LRRC18: variants seen among roughly 807,000 people sequenced by gnomAD.
LRRC18 encodes leucine rich repeat containing 18.
LRRC18 carries 12 observed loss-of-function variants against 11.2 expected under a neutral mutation model. The ratio of observed to expected loss-of-function variants is 1.07; its 90% confidence interval spans 0.69 to 1.74. The LOEUF (loss-of-function observed/expected upper bound fraction) is 1.74, where lower values mean the gene tolerates loss of function less well. LRRC18 is among the 40% of genes most tolerant of loss of function. LRRC18 has a pLI of 0.00. For missense variants in LRRC18, 374 were observed against 330.5 expected, an observed-to-expected ratio of 1.13 and a Z score of -1.02; for synonymous variants, 155 against 130.6, an observed-to-expected ratio of 1.19 and a Z score of -1.27.
exon 1 of LRRC18, chr10:48,914,077 C>A: frequency 6.2e-7 from 1 of 1,614,202 alleles, no homozygotes; most frequent in Non-Finnish European, 8.5e-7. Context: ...TTTTTCCCAT[C>A]AAAAGTGATT....
chr10:48,939,352 C>T, the LRRC18 span, among the ~76,000 whole-genome samples: 26 of 152,358 alleles, frequency 1.7e-4, no homozygotes, highest in South Asian at 5.4e-3. Flanking sequence ...GGCTCTCCCA[C>T]ACCCCTGTGT....
At chr10:48,936,949 C>T in the LRRC18 span, among the ~76,000 whole-genome samples, 8 of 151,220 alleles carry the variant, frequency 5.3e-5, no homozygotes, top group African/African-American at 1.7e-4. Context: ...GACATAGTCT[C>T]ACTCTTGTCA....
At chr10:48,923,506 A>ATATATATATATATGTATGTATGTATG in the LRRC18 span, among the ~76,000 whole-genome samples, 1 of 115,108 alleles carries the variant, frequency 8.7e-6, no homozygotes, top group Admixed American at 1.0e-4. Flanking sequence ...GTATATATAT[A>ATATATATATATATGTATGTATGTATG]TATATATGTC....
chr10:48,930,106 A>G, the LRRC18 span, among the ~76,000 whole-genome samples: 82 of 152,110 alleles, frequency 5.4e-4, no homozygotes, highest in African/African-American at 1.9e-3. Context: ...CCCTTGGTCA[A>G]TACTAGTTTA....
chr10:48,922,511 CAGTA>C, the LRRC18 span, among the ~76,000 whole-genome samples: 3 of 152,198 alleles, frequency 2.0e-5, no homozygotes, highest in African/African-American at 7.2e-5. Flanking sequence ...AAGTTGAGAA[CAGTA>C]AATTGTTGAA....
the LRRC18 span, among the ~76,000 whole-genome samples, chr10:48,922,766 G>A: frequency 9.2e-5 from 14 of 152,248 alleles, no homozygotes; most frequent in African/African-American, 3.4e-4. Flanking sequence ...AAAGCATTTT[G>A]CCTAATAAAA....
chr10:48,939,296 C>A, the LRRC18 span, among the ~76,000 whole-genome samples: 3 of 152,234 alleles, frequency 2.0e-5, no homozygotes, highest in Non-Finnish European at 4.4e-5. Context: ...TTGAGTAGCT[C>A]CGTGCCCACA....
chr10:48,938,485 C>T, the LRRC18 span, among the ~76,000 whole-genome samples: 2 of 152,256 alleles, frequency 1.3e-5, no homozygotes, highest in South Asian at 2.1e-4. Flanking sequence ...TGCCAGCCCC[C>T]GATGGAGGAA....
the LRRC18 span, among the ~76,000 whole-genome samples, chr10:48,936,606 AG>A: frequency 7.0e-3 from 420 of 59,996 alleles, 2 homozygotes; most frequent in South Asian, 0.059. Context: ...CGGAGGCCGA[AG>A]AGGGTGGATC....
Position 48,911,987 on chromosome 10 carries a change from G to A in LRRC18, c.764+1405C>T, listed in dbSNP as rs372374316. Among the ~76,000 whole-genome samples, 45 of 152,342 alleles carry A rather than the reference G, an allele frequency of 3.0e-4. 1 individual carries two copies. In the South Asian group the frequency reaches 9.1e-3, roughly 31 times the overall value. ...GAAAATAAGTTAATACCACTTCACT[G>A]ATGGATGCCTCTTGGTGCTTCTCAT... is the stretch of plus-strand genomic sequence containing the variant. On this transcript the variant is annotated intron_variant, in intron 1 of 1. Coordinates refer to ENST00000374160, the Ensembl canonical transcript of LRRC18.
the LRRC18 span, among the ~76,000 whole-genome samples, chr10:48,928,286 T>G: frequency 1.3e-5 from 2 of 151,768 alleles, no homozygotes; most frequent in African/African-American, 4.8e-5. Flanking sequence ...GTAAAGAGGA[T>G]GTAAAAGTGG....
the LRRC18 span, among the ~76,000 whole-genome samples, chr10:48,919,345 G>A: frequency 6.6e-6 from 1 of 152,174 alleles, no homozygotes; most frequent in Non-Finnish European, 1.5e-5. Flanking sequence ...GCGAAGGAAT[G>A]AAAACCCAAA....
chr10:48,922,931 G>A, the LRRC18 span, among the ~76,000 whole-genome samples: 1 of 152,196 alleles, frequency 6.6e-6, no homozygotes, highest in Non-Finnish European at 1.5e-5. Context: ...AGTTTTCTGG[G>A]TTGGTGTCAC....
chr10:48,932,954 G>A, the LRRC18 span, among the ~76,000 whole-genome samples: 1 of 152,292 alleles, frequency 6.6e-6, no homozygotes, highest in South Asian at 2.1e-4. Context: ...CAAGGGCAGT[G>A]CAAGGTGGGC....
At chr10:48,928,646 A>G in the LRRC18 span, among the ~76,000 whole-genome samples, 1 of 152,126 alleles carries the variant, frequency 6.6e-6, no homozygotes, top group South Asian at 2.1e-4. Flanking sequence ...ATCTCCTCAC[A>G]TGGAATTCTT....
At chr10:48,917,212 A>G (rs1315170635), upstream of LRRC18, among the ~76,000 whole-genome samples, 1 of 152,188 alleles carries the variant, frequency 6.6e-6, no homozygotes, top group East Asian at 1.9e-4. Context: ...CTAAGGATGT[A>G]TTTCTCAGAA....
the LRRC18 span, among the ~76,000 whole-genome samples, chr10:48,931,008 A>G: frequency 2.0e-5 from 3 of 152,122 alleles, no homozygotes; most frequent in Non-Finnish European, 4.4e-5. Flanking sequence ...ATGTCTACAT[A>G]GTTTTTAAAT....
At chr10:48,913,577 C>T (rs1237388115) in exon 1 of LRRC18, 5 of 1,614,118 alleles carry the variant, frequency 3.1e-6, no homozygotes, top group Non-Finnish European at 4.2e-6. Context: ...TCTCCAGCCT[C>T]CTGATGGAGT....
the LRRC18 span, among the ~76,000 whole-genome samples, chr10:48,934,404 G>T: frequency 1.3e-5 from 2 of 152,134 alleles, no homozygotes; most frequent in African/African-American, 2.4e-5. Flanking sequence ...CATCTCCACC[G>T]GGGGGATACA....
Sources: gnomAD v4.1 joint callset for allele counts (sites outside exome capture counted in the v4.1 genomes callset) on GRCh38, gnomAD v4.1.1 for gene constraint, MANE v1.5 for transcripts, NCBI Gene and HGNC (gene_info 2026-07-23, HGNC 2026-07-21) for gene names.